DORIP1: variants seen among roughly 807,000 people sequenced by gnomAD.
DORIP1 encodes dopamine receptor-interacting protein 1.
At chr14:44,902,981 A>T in the DORIP1 span, among the ~76,000 whole-genome samples, 3 of 152,296 alleles carry the variant, frequency 2.0e-5, no homozygotes, top group African/African-American at 7.2e-5. Flanking sequence ...GCAACTGGAT[A>T]TATCAGGATT....
At chr14:44,901,013 C>A in the DORIP1 span, 1 of 1,510,062 alleles carries the variant, frequency 6.6e-7, no homozygotes, top group Non-Finnish European at 8.9e-7. Flanking sequence ...ATGAATGTTG[C>A]TTTAGATATG....
At chr14:44,902,365 T>TC in the DORIP1 span, among the ~76,000 whole-genome samples, 1 of 152,094 alleles carries the variant, frequency 6.6e-6, no homozygotes, top group African/African-American at 2.4e-5. Context: ...TCTCACTCCA[T>TC]CTCCCAGGCT....
chr14:44,905,648 C>A, the DORIP1 span: 1 of 826,256 alleles, frequency 1.2e-6, no homozygotes, highest in Non-Finnish European at 1.8e-6. Flanking sequence ...GAAAATAGTT[C>A]AACTATACTA....
the DORIP1 span, among the ~76,000 whole-genome samples, chr14:44,902,245 C>G: frequency 1.3e-5 from 2 of 152,160 alleles, no homozygotes; most frequent in African/African-American, 4.8e-5. Context: ...CTCAAGTGAT[C>G]CTCCTGCCTC....
the DORIP1 span, chr14:44,901,067 C>T: frequency 9.4e-7 from 1 of 1,064,550 alleles, no homozygotes; most frequent in South Asian, 1.7e-5. Context: ...CAAAGGACCA[C>T]ATATGCCATG....
the DORIP1 span, chr14:44,903,676 A>T: frequency 2.0e-6 from 2 of 984,372 alleles, no homozygotes; most frequent in Non-Finnish European, 2.4e-6. Flanking sequence ...TATTCATCCC[A>T]ATCTCTTAAA....
chr14:44,904,083 G>A, the DORIP1 span: 2 of 985,256 alleles, frequency 2.0e-6, no homozygotes, highest in Non-Finnish European at 2.4e-6. Flanking sequence ...TTTGAAACCA[G>A]CATATAGAGT....
chr14:44,898,188 A>G, the DORIP1 span, among the ~76,000 whole-genome samples: 1 of 152,316 alleles, frequency 6.6e-6, no homozygotes, highest in East Asian at 1.9e-4. Flanking sequence ...GACAATTTTA[A>G]GTAAAGCTCT....
At chr14:44,902,833 G>A in the DORIP1 span, among the ~76,000 whole-genome samples, 1 of 152,128 alleles carries the variant, frequency 6.6e-6, no homozygotes, top group Non-Finnish European at 1.5e-5. Flanking sequence ...TCAGGTACTT[G>A]AGGCCAAGAA....
At chr14:44,905,626 C>T in the DORIP1 span, 2 of 1,074,034 alleles carry the variant, frequency 1.9e-6, no homozygotes, top group Non-Finnish European at 2.6e-6. Context: ...TTTGTGTATA[C>T]TTGGTATCCA....
At chr14:44,907,112 A>G in the DORIP1 span, 11 of 152,752 alleles carry the variant, frequency 7.2e-5, no homozygotes, top group South Asian at 2.1e-3. Context: ...CTTTCAGGAA[A>G]TGCACTTTAT....
chr14:44,906,173 A>G, the DORIP1 span: 1 of 151,744 alleles, frequency 6.6e-6, no homozygotes, highest in Non-Finnish European at 1.5e-5. Flanking sequence ...ACTACTTCCT[A>G]AAGTATTATA....
the DORIP1 span, chr14:44,903,959 T>G: frequency 1.0e-6 from 1 of 975,572 alleles, no homozygotes. Flanking sequence ...TGTTATATTC[T>G]GATCCATATA....
the DORIP1 span, chr14:44,903,775 A>G: frequency 6.2e-6 from 6 of 969,882 alleles, no homozygotes; most frequent in Non-Finnish European, 7.4e-6. Flanking sequence ...AAAGGTAAAA[A>G]TATGTTCTGT....
chr14:44,902,867 G>T, the DORIP1 span, among the ~76,000 whole-genome samples: 1 of 152,036 alleles, frequency 6.6e-6, no homozygotes, highest in African/African-American at 2.4e-5. Flanking sequence ...CATTTAATCA[G>T]GTAACTAATC....
At chr14:44,904,082 A>G in the DORIP1 span, 2 of 985,374 alleles carry the variant, frequency 2.0e-6, no homozygotes, top group Non-Finnish European at 2.4e-6. Flanking sequence ...ATTTGAAACC[A>G]GCATATAGAG....
chr14:44,904,592 T>C, the DORIP1 span: 1 of 1,422,022 alleles, frequency 7.0e-7, no homozygotes, highest in Admixed American at 2.4e-5. Context: ...TGTTATATTA[T>C]GATTTTGACT....
At chr14:44,899,013 TTC>T in the DORIP1 span, 2 of 152,180 alleles carry the variant, frequency 1.3e-5, no homozygotes, top group Admixed American at 6.5e-5. Context: ...AGTCACTCAT[TTC>T]TCTGTTTCCA....
chr14:44,904,622 T>G, the DORIP1 span: 1 of 1,236,786 alleles, frequency 8.1e-7, no homozygotes, highest in Non-Finnish European at 1.1e-6. Flanking sequence ...GAGATATTGT[T>G]GAAAACAATC....
Sources: gnomAD v4.1 joint callset for allele counts (sites outside exome capture counted in the v4.1 genomes callset) on GRCh38, gnomAD v4.1.1 for gene constraint, MANE v1.5 for transcripts, NCBI Gene and HGNC (gene_info 2026-07-23, HGNC 2026-07-21) for gene names.